The following EIF4E2 variants were observed in gnomAD, a reference collection of about 807,000 sequenced individuals.
EIF4E2 encodes eukaryotic translation initiation factor 4E type 2.
A neutral mutation model predicts 34.2 loss-of-function variants in EIF4E2; 13 were observed. The observed-to-expected ratio is 0.38, with a 90% confidence interval of 0.25 to 0.60. The LOEUF (loss-of-function observed/expected upper bound fraction) is 0.60, where lower values mean the gene tolerates loss of function less well. Ranked by LOEUF, EIF4E2 falls within the 20% of genes least tolerant of loss-of-function variation. The pLI, the probability that EIF4E2 is intolerant of heterozygous loss-of-function variation, is 0.62. For missense variants in EIF4E2, 222 were observed against 315.1 expected (o/e 0.70, Z 2.24); for synonymous variants, 100 against 106.6 (o/e 0.94, Z 0.38).
intron 6 of EIF4E2, among the ~76,000 whole-genome samples, chr2:232,580,068 A>AT (rs1327930343): frequency 6.8e-6 from 1 of 146,628 alleles, no homozygotes; most frequent in East Asian, 2.0e-4. Flanking sequence ...ACATATTGGG[A>AT]TCCCCCACAT....
At chr2:232,579,904 G>A (rs979535371) in intron 6 of EIF4E2, among the ~76,000 whole-genome samples, 2 of 152,124 alleles carry the variant, frequency 1.3e-5, no homozygotes, top group Admixed American at 1.3e-4. Context: ...CTGGGCAAGG[G>A]CAGCAGCCTT....
chr2:232,551,720 T>G (rs1206724838), intron 1 of EIF4E2, among the ~76,000 whole-genome samples: 1 of 152,238 alleles, frequency 6.6e-6, no homozygotes, highest in Non-Finnish European at 1.5e-5. Context: ...TATTGCGATA[T>G]AAACGTAAAG....
At chr2:232,576,194 C>T (rs1325177484) in intron 6 of EIF4E2, among the ~76,000 whole-genome samples, 1 of 127,950 alleles carries the variant, frequency 7.8e-6, no homozygotes, top group East Asian at 2.1e-4. Context: ...CAGAGCGAGA[C>T]TCCATCTCAA....
chr2:232,579,794 C>T (rs1693302893), intron 6 of EIF4E2, among the ~76,000 whole-genome samples: 2 of 152,098 alleles, frequency 1.3e-5, no homozygotes, highest in South Asian at 2.1e-4. Context: ...GATACTAGGT[C>T]AGTTAAAGCC....
chr2:232,552,945 A>G (rs554291037), intron 1 of EIF4E2, among the ~76,000 whole-genome samples: 1 of 152,186 alleles, frequency 6.6e-6, no homozygotes, highest in Non-Finnish European at 1.5e-5. Flanking sequence ...AGTCTTTACC[A>G]CATTGCTCTC....
intron 3 of EIF4E2, 132 bp downstream of exon 3, chr2:232,558,150 G>T: frequency 8.1e-7 from 1 of 1,230,756 alleles, no homozygotes; most frequent in South Asian, 1.6e-5. Context: ...TGAGTCTCCG[G>T]AGTCAGATTT....
At chr2:232,556,579 A>G in intron 2 of EIF4E2, 49 bp downstream of exon 2, 1 of 1,177,140 alleles carries the variant, frequency 8.5e-7, no homozygotes, top group Non-Finnish European at 1.2e-6. Flanking sequence ...TGAGACTTTT[A>G]TTATCTTGTG....
chr2:232,580,786 C>T (rs556595745), intron 6 of EIF4E2: 207 of 890,086 alleles, frequency 2.3e-4, no homozygotes, highest in Non-Finnish European at 2.9e-4. Flanking sequence ...AAGAAGGCCC[C>T]GGGATATGTC....
Position 232,566,708 on chromosome 2 carries a change from G to T in EIF4E2, c.376-121G>T. ...CTACCATCAGTTTTTCTATAGAGTT[G>T]AATAATTGGAAAGTGATATGACTTC... On this transcript the variant is annotated intron_variant, in intron 4 of 6. Coordinates refer to ENST00000258416, the MANE Select transcript of EIF4E2 (RefSeq NM_004846.4). This position sits in a 1 kb window ranked among gnomAD's most constrained non-coding sequence, Gnocchi z 4.9. The T allele has an allele frequency of 3.5e-6, 4 of 1,142,916 alleles. No homozygotes were observed. The highest frequency in any genetic ancestry group is 3.7e-6 in the Non-Finnish European group (3 of 811,276). 70.8% of individuals were successfully genotyped at this position (1,142,916 alleles called of 1,614,324 possible). A position where few individuals can be genotyped will look rare whatever the true frequency, so the allele number is the denominator to read the frequency against.
At chr2:232,561,327 GA>G (rs10601173) in intron 3 of EIF4E2, among the ~76,000 whole-genome samples, 5 of 148,852 alleles carry the variant, frequency 3.4e-5, no homozygotes, top group South Asian at 2.1e-4. Context: ...TCCCTCTTGT[GA>G]AAAAAAAAAG....
intron 4 of EIF4E2, among the ~76,000 whole-genome samples, 173 bp downstream of exon 4, chr2:232,564,524 C>T (rs1692845297): frequency 6.6e-6 from 1 of 152,272 alleles, no homozygotes; most frequent in African/African-American, 2.4e-5. Context: ...GATCTCGGCT[C>T]ACTGCAAGCT....
chr2:232,550,895 G>A, intron 1 of EIF4E2, 151 bp downstream of exon 1: 1 of 809,122 alleles, frequency 1.2e-6, no homozygotes, highest in Non-Finnish European at 1.9e-6. Context: ...TGGCGGGGAG[G>A]AGGGGGCTGG....
chr2:232,558,027 T>G lies in EIF4E2; in HGVS notation c.270+9T>G, dbSNP rs1335471468. 1.2e-6 allele frequency: 2 copies of G among 1,613,916 alleles called. No individual in the cohort carries two copies. ...TTGGCACCTTTGCCTCTGTGAGTTC[T>G]TGGTGAATTAATGGAGTGTGCCTTG... On this transcript the variant is annotated intron_variant, in intron 3 of 6. Coordinates refer to ENST00000258416, the MANE Select transcript of EIF4E2 (RefSeq NM_004846.4).
intron 6 of EIF4E2, 102 bp downstream of exon 6, chr2:232,567,316 G>A: frequency 2.6e-6 from 4 of 1,562,826 alleles, no homozygotes; most frequent in Non-Finnish European, 3.5e-6. Context: ...ACTTACTTGT[G>A]GAGAAGGGAC....
rs746185124 is a variant in EIF4E2, at chr2:232,550,734, A to G, written c.10A>G (p.Lys4Glu). The G allele has an allele frequency of 6.3e-7, 1 of 1,585,946 alleles. No individual in the cohort carries two copies. Among genetic ancestry groups the G allele is most frequent in the East Asian group, 2.4e-5 (1 of 42,516 alleles). ...CAGCGGCGGCGAGAGGATGAACAAC[A>G]AGTTCGACGCGTGAGTGGCTCGTGG... Reference protein sequence around the residue: MNNKFDALKDDDSG... With the variant: MNNEFDALKDDDSG... Residue 4 changes from lysine (K) to glutamate (E), a missense_variant, in exon 1 of 7, where the codon AAG becomes GAG. Coordinates refer to ENST00000258416, the MANE Select transcript of EIF4E2 (RefSeq NM_004846.4).
intron 4 of EIF4E2, among the ~76,000 whole-genome samples, chr2:232,565,247 G>A (rs1692880142): frequency 6.6e-6 from 1 of 152,188 alleles, no homozygotes; most frequent in Non-Finnish European, 1.5e-5. Flanking sequence ...CCCTGCAGGT[G>A]GACCCTCCTG....
chr2:232,554,750 C>T (rs1328204299), intron 1 of EIF4E2, among the ~76,000 whole-genome samples: 2 of 152,202 alleles, frequency 1.3e-5, no homozygotes, highest in East Asian at 3.8e-4. Flanking sequence ...ATTCTCTTAT[C>T]TCATACTGGC....
intron 1 of EIF4E2, among the ~76,000 whole-genome samples, chr2:232,552,629 G>A (rs2106232389): frequency 6.6e-6 from 1 of 152,290 alleles, no homozygotes; most frequent in South Asian, 2.1e-4. Context: ...GGCTATCCCA[G>A]GTTTGTTGTG....
chr2:232,566,027 A>G lies in EIF4E2; in HGVS notation c.376-802A>G, dbSNP rs956208101. Among the ~76,000 whole-genome samples, 2 of 151,016 alleles carry G rather than the reference A, an allele frequency of 1.3e-5. No individual in the cohort carries two copies. The highest frequency in any genetic ancestry group is 4.9e-5 in the African/African-American group (2 of 41,112). The stretch of plus-strand genomic sequence containing the variant: ...GAATCGCTTGAACCCAAGAGGCAGA[A>G]GTGGCAGTGAGCCGATATCGCACCA... On this transcript the variant is annotated intron_variant, in intron 4 of 6. Transcript: ENST00000258416. The surrounding 1 kb of genome is among the most constrained non-coding windows in gnomAD (Gnocchi z 4.9).
Sources: gnomAD v4.1 joint callset for allele counts (sites outside exome capture counted in the v4.1 genomes callset) on GRCh38, gnomAD v4.1.1 for gene constraint, Gnocchi (gnomAD v3.1) non-coding constraint, MANE v1.5 for transcripts, NCBI Gene and HGNC (gene_info 2026-07-23, HGNC 2026-07-21) for gene names.